Variants in ME3 observed in about 807,000 individuals in gnomAD.
The protein encoded by ME3 is malic enzyme 3.
Under a neutral mutation model 68.9 loss-of-function variants are expected in ME3, and 48 were observed. The ratio of observed to expected loss-of-function variants is 0.70; its 90% CI spans 0.55 to 0.89. The LOEUF is 0.89. Ranked by LOEUF, ME3 falls within the 40% of genes least tolerant of loss-of-function variation. The pLI is 0.00. For synonymous variants in ME3, 320 were observed against 318.8 expected, an observed-to-expected ratio of 1.00 and a Z score of -0.04; for missense variants, 675 against 797.4, an observed-to-expected ratio of 0.85 and a Z score of 1.85.
chr11:86,596,989 A>C (rs1019074493), intron 2 of ME3, among the ~76,000 whole-genome samples: 1 of 152,224 alleles, frequency 6.6e-6, no homozygotes, highest in Non-Finnish European at 1.5e-5. Context: ...GACAACAGGC[A>C]GCTGGAAAAA....
rs187112557 is a variant in ME3, at chr11:86,483,050, T to A, written c.809+4287A>T. On this transcript the variant is annotated intron_variant, in intron 7 of 14. Coordinates refer to ENST00000543262, the Ensembl canonical transcript of ME3. ...AAGTGAACAGTCTTGGAATCTTATC[T>A]CCTTGTTTTTAGCTTTAACTTTGGT... Among the ~76,000 whole-genome samples, 30 of 152,378 alleles carry A rather than the reference T, an allele frequency of 2.0e-4. 1 individual carries two copies. Among genetic ancestry groups the A allele is most frequent in the South Asian group, 8.3e-4 (4 of 4,822 alleles).
At chr11:86,569,232 T>C (rs1390674608) in intron 2 of ME3, among the ~76,000 whole-genome samples, 2 of 152,204 alleles carry the variant, frequency 1.3e-5, no homozygotes, top group Non-Finnish European at 2.9e-5. Context: ...AGACAGTGGC[T>C]GAAGTGACAT....
chr11:86,630,078 C>T (rs10898515), intron 2 of ME3, among the ~76,000 whole-genome samples: 18,312 of 151,996 alleles, frequency 0.12, 1,558 homozygotes, highest in East Asian at 0.39. Context: ...ATCTACATCC[C>T]CTATTGAATA....
intron 7 of ME3, among the ~76,000 whole-genome samples, chr11:86,484,844 C>G (rs1390408007): frequency 6.6e-6 from 1 of 152,162 alleles, no homozygotes; most frequent in Admixed American, 6.5e-5. Context: ...ACTGTGTGAC[C>G]TGAGATAGCT....
At chr11:86,450,364 A>G in exon 9 of ME3, 2 of 1,614,050 alleles carry the variant, frequency 1.2e-6, no homozygotes, top group Non-Finnish European at 1.7e-6. Context: ...TTCGCAGAGC[A>G]GCCAAGATCC....
chr11:86,568,370 C>T (rs1198697947), intron 2 of ME3, among the ~76,000 whole-genome samples: 1 of 152,188 alleles, frequency 6.6e-6, no homozygotes, highest in Non-Finnish European at 1.5e-5. Flanking sequence ...TAGTAGGAGG[C>T]CTCAAGACCC....
At chr11:86,603,900 A>T (rs968859702) in intron 2 of ME3, among the ~76,000 whole-genome samples, 1 of 137,474 alleles carries the variant, frequency 7.3e-6, no homozygotes, top group African/African-American at 2.7e-5. Context: ...AACAATGAGA[A>T]CACATGGACA....
At chr11:86,647,041 C>T (rs1945064625) in intron 2 of ME3, among the ~76,000 whole-genome samples, 1 of 152,044 alleles carries the variant, frequency 6.6e-6, no homozygotes, top group African/African-American at 2.4e-5. Context: ...TACAAGAGCT[C>T]CTGAAGGAAG....
intron 2 of ME3, among the ~76,000 whole-genome samples, chr11:86,564,312 G>A (rs1000449202): frequency 6.6e-6 from 1 of 152,036 alleles, no homozygotes. Flanking sequence ...ATCTACAGTT[G>A]TAATGCAATC....
chr11:86,500,757 A>G (rs1020707279), intron 5 of ME3, among the ~76,000 whole-genome samples: 6 of 151,746 alleles, frequency 4.0e-5, no homozygotes, highest in African/African-American at 1.5e-4. Flanking sequence ...TTTGCCTACC[A>G]CCTCTCCATC....
chr11:86,450,214 C>T, intron 9 of ME3, 87 bp downstream of exon 9: 1 of 1,295,578 alleles, frequency 7.7e-7, no homozygotes, highest in East Asian at 2.4e-5. Context: ...CTTTTCAGAA[C>T]CCCAGAATGC....
intron 4 of ME3, among the ~76,000 whole-genome samples, chr11:86,517,180 T>A (rs546800146): frequency 2.1e-4 from 32 of 152,270 alleles, no homozygotes; most frequent in Middle Eastern, 3.4e-3. Context: ...TTTGTTGAAA[T>A]AAAGCACAGC....
intron 7 of ME3, among the ~76,000 whole-genome samples, chr11:86,478,029 C>T (rs1020112245): frequency 6.6e-6 from 1 of 152,110 alleles, no homozygotes; most frequent in South Asian, 2.1e-4. Flanking sequence ...AAATTTCCTT[C>T]CTCTGTGCTT....
At chr11:86,538,153 TG>T (rs965582588) in intron 4 of ME3, among the ~76,000 whole-genome samples, 7 of 152,202 alleles carry the variant, frequency 4.6e-5, no homozygotes, top group African/African-American at 1.7e-4. Flanking sequence ...TGTGGTTGTT[TG>T]GGGAGAGGGA....
At chr11:86,631,924 G>C (rs992637255) in intron 2 of ME3, among the ~76,000 whole-genome samples, 2 of 152,032 alleles carry the variant, frequency 1.3e-5, no homozygotes, top group Non-Finnish European at 2.9e-5. Context: ...GGAGAGAGAG[G>C]GTTTCATCAT....
chr11:86,646,234 G>A (rs1320127780), intron 2 of ME3, among the ~76,000 whole-genome samples: 1 of 152,144 alleles, frequency 6.6e-6, no homozygotes, highest in Non-Finnish European at 1.5e-5. Flanking sequence ...TTCAGAAGGT[G>A]GGTAATAACA....
At chr11:86,457,717 G>A in intron 8 of ME3, 5 of 1,287,970 alleles carry the variant, frequency 3.9e-6, no homozygotes, top group Non-Finnish European at 5.1e-6. Flanking sequence ...CATGACTTGT[G>A]CCCATAAATG....
At chr11:86,439,037 C>G (rs1291435195), downstream of ME3, among the ~76,000 whole-genome samples, 1 of 152,180 alleles carries the variant, frequency 6.6e-6, no homozygotes, top group Non-Finnish European at 1.5e-5. Flanking sequence ...GAGTAAGTCT[C>G]TCTTACTCAA....
intron 2 of ME3, among the ~76,000 whole-genome samples, chr11:86,667,323 C>G (rs1163319586): frequency 6.6e-6 from 1 of 152,140 alleles, no homozygotes; most frequent in Non-Finnish European, 1.5e-5. Context: ...ACACACGGAT[C>G]AAAGGGGGAA....
Sources: gnomAD v4.1 joint callset for allele counts (sites outside exome capture counted in the v4.1 genomes callset) on GRCh38, gnomAD v4.1.1 for gene constraint, MANE v1.5 for transcripts, NCBI Gene and HGNC (gene_info 2026-07-23, HGNC 2026-07-21) for gene names.